The following KCNMA1 variants were observed in gnomAD, a reference collection of about 807,000 sequenced individuals.
KCNMA1 encodes the protein potassium calcium-activated channel subfamily M alpha 1.
Under a neutral mutation model 140.0 loss-of-function variants are expected in KCNMA1, and 29 were observed. That is an observed-to-expected ratio of 0.21 (90% confidence interval 0.15 to 0.28). The LOEUF (loss-of-function observed/expected upper bound fraction) is 0.28. KCNMA1 is among the 10% of genes least tolerant of loss of function. The pLI is 1.00. For missense variants in KCNMA1, 880 were observed against 1,602.2 expected, an observed-to-expected ratio of 0.55 and a Z score of 7.70; for synonymous variants, 612 against 611.9, an observed-to-expected ratio of 1.00 and a Z score of 0.00.
In KCNMA1 at chr10:76,885,617, T is replaced by C. The variant is rs2036548790; in HGVS notation, c.*1649A>G. On this transcript the variant is annotated 3_prime_UTR_variant, in exon 28 of 28. Transcript: ENST00000286628. ...TGTGACATGTTTTCCTCCTCCCTTT[T>C]ACCCCTATTCTATTCGATGGAATTC... 14 of 985,402 alleles carry C rather than the reference T, an allele frequency of 1.4e-5. No individual in the cohort carries two copies. Among genetic ancestry groups the C allele is most frequent in the African/African-American group, 1.7e-5 (1 of 57,344 alleles). The allele number at this position is 985,402 out of a possible 1,614,324, so 61.0% of individuals were successfully genotyped here. A position where few individuals can be genotyped will look rare whatever the true frequency, so the allele number is the denominator to read the frequency against.
chr10:77,060,527 T>C (rs2095703611), intron 14 of KCNMA1, among the ~76,000 whole-genome samples: 1 of 152,230 alleles, frequency 6.6e-6, no homozygotes, highest in Admixed American at 6.5e-5. Context: ...AGAAGAATTT[T>C]GTCCCAGGAT....
intron 1 of KCNMA1, among the ~76,000 whole-genome samples, chr10:77,457,870 A>G (rs1640561164): frequency 6.6e-6 from 1 of 152,140 alleles, no homozygotes; most frequent in Non-Finnish European, 1.5e-5. Context: ...GTTCCATTCC[A>G]GGAAAAAAAG....
intron 11 of KCNMA1, among the ~76,000 whole-genome samples, chr10:77,085,931 A>G (rs1468841731): frequency 1.3e-5 from 2 of 152,146 alleles, no homozygotes; most frequent in Non-Finnish European, 2.9e-5. Context: ...ATTCTAAATT[A>G]CCAGTTTCTG....
At chr10:77,097,924 A>C (rs2096977182) in intron 9 of KCNMA1, among the ~76,000 whole-genome samples, 1 of 152,232 alleles carries the variant, frequency 6.6e-6, no homozygotes, top group Non-Finnish European at 1.5e-5. Context: ...AGATCCCAAC[A>C]GTGCAGCAAA....
chr10:77,367,755 C>G (rs2094453460), intron 2 of KCNMA1, among the ~76,000 whole-genome samples: 1 of 152,186 alleles, frequency 6.6e-6, no homozygotes, highest in South Asian at 2.1e-4. Context: ...TCCTCTGTCA[C>G]TACAGTTTTA....
intron 2 of KCNMA1, among the ~76,000 whole-genome samples, chr10:77,267,462 G>T (rs1319619798): frequency 1.3e-5 from 2 of 152,128 alleles, no homozygotes; most frequent in Admixed American, 1.3e-4. Flanking sequence ...TTCCTGAATT[G>T]GTGGGTATAA....
intron 1 of KCNMA1, among the ~76,000 whole-genome samples, chr10:77,521,177 T>C (rs1203749034): frequency 6.6e-6 from 1 of 152,108 alleles, no homozygotes; most frequent in Non-Finnish European, 1.5e-5. Flanking sequence ...GCAAAGGCCC[T>C]GAGGTGCATA....
chr10:77,156,214 C>G (rs534369827), intron 5 of KCNMA1, among the ~76,000 whole-genome samples: 1 of 125,774 alleles, frequency 8.0e-6, no homozygotes, highest in Non-Finnish European at 1.6e-5. Flanking sequence ...GGTGACAGAG[C>G]GAGACTCCAT....
intron 1 of KCNMA1, among the ~76,000 whole-genome samples, chr10:77,428,051 C>G (rs1302511215): frequency 6.6e-6 from 1 of 152,078 alleles, no homozygotes; most frequent in Non-Finnish European, 1.5e-5. Context: ...ATGCCCAGCT[C>G]TAAGCATCCT....
chr10:77,547,699 A>G (rs1030882358), intron 1 of KCNMA1, among the ~76,000 whole-genome samples: 1 of 152,208 alleles, frequency 6.6e-6, no homozygotes, highest in Non-Finnish European at 1.5e-5. Flanking sequence ...GAGGCTAAGG[A>G]GAGGAGTCAA....
chr10:77,345,699 C>T (rs543983288), intron 2 of KCNMA1, among the ~76,000 whole-genome samples: 2 of 152,320 alleles, frequency 1.3e-5, no homozygotes, highest in South Asian at 4.1e-4. Flanking sequence ...TCTTCAACTG[C>T]CATGCAAATA....
intron 2 of KCNMA1, among the ~76,000 whole-genome samples, chr10:77,307,016 G>A (rs962951589): frequency 7.2e-5 from 11 of 152,182 alleles, no homozygotes; most frequent in South Asian, 2.1e-4. Context: ...CATAGCACAC[G>A]CAGCTCAAGT....
chr10:76,895,879 A>G (rs1440505228), intron 25 of KCNMA1, among the ~76,000 whole-genome samples: 2 of 152,122 alleles, frequency 1.3e-5, no homozygotes, highest in African/African-American at 4.8e-5. Flanking sequence ...TTCAAAGGGG[A>G]GGGAGTGTAT....
intron 19 of KCNMA1, among the ~76,000 whole-genome samples, chr10:76,976,328 C>T (rs1293213279): frequency 1.3e-5 from 2 of 152,096 alleles, no homozygotes; most frequent in African/African-American, 4.8e-5. Context: ...AAGTTAATCA[C>T]AGGGTGTATT....
At chr10:77,572,603 T>TATATAA (rs1491270036) in intron 1 of KCNMA1, among the ~76,000 whole-genome samples, 18 of 98,648 alleles carry the variant, frequency 1.8e-4, no homozygotes, top group African/African-American at 5.9e-4. Context: ...TATATATATA[T>TATATAA]AAATTAGCTG....
At chr10:77,171,382 T>TGTGC (rs1234933339) in intron 5 of KCNMA1, among the ~76,000 whole-genome samples, 21 of 129,496 alleles carry the variant, frequency 1.6e-4, no homozygotes, top group Non-Finnish European at 2.8e-4. Flanking sequence ...GGAAAGTACG[T>TGTGC]GTGCGTGTGT....
At chr10:77,229,592 G>A (rs2052842657) in intron 3 of KCNMA1, among the ~76,000 whole-genome samples, 1 of 152,146 alleles carries the variant, frequency 6.6e-6, no homozygotes, top group East Asian at 1.9e-4. Context: ...ACCTGCCCAA[G>A]GCTACCTTCC....
intron 23 of KCNMA1, among the ~76,000 whole-genome samples, chr10:76,941,700 G>A (rs79418485): frequency 0.036 from 5,414 of 152,274 alleles, 310 homozygotes; most frequent in African/African-American, 0.12. Flanking sequence ...AGGGGTCTAC[G>A]AGAATCACTG....
intron 2 of KCNMA1, chr10:77,304,351 T>C (rs1232632069): frequency 2.0e-5 from 3 of 152,198 alleles, no homozygotes; most frequent in Non-Finnish European, 4.4e-5. Context: ...CCAGGGATGA[T>C]CCCACTCAGG....
Sources: allele counts gnomAD v4.1 joint callset (sites outside exome capture counted in the v4.1 genomes callset), GRCh38; gene constraint gnomAD v4.1.1; transcripts MANE v1.5; gene names NCBI Gene and HGNC (gene_info 2026-07-23, HGNC 2026-07-21).